HDAC5: variants seen among roughly 807,000 people sequenced by gnomAD.
The protein encoded by HDAC5 is antigen NY-CO-9.
In HDAC5, 25 loss-of-function variants were observed where a neutral mutation model predicts 133.3. The observed-to-expected ratio is 0.19, with a 90% CI of 0.14 to 0.26. The LOEUF (loss-of-function observed/expected upper bound fraction) is 0.26, where lower values mean the gene tolerates loss of function less well. Among genes scored for constraint, HDAC5 ranks in the 10% least tolerant of loss-of-function variants. The probability of loss-of-function intolerance (pLI) is 1.00; values close to 1 mark genes in which losing one functional copy is unlikely to be tolerated. For missense variants in HDAC5, 1,041 were observed against 1,460.5 expected (o/e 0.71, Z 4.68); for synonymous variants, 589 against 610.8 (o/e 0.96, Z 0.53).
intron 24 of HDAC5, 93 bp from the exon 25 acceptor site, chr17:44,078,972 C>T: frequency 6.6e-7 from 1 of 1,519,232 alleles, no homozygotes; most frequent in South Asian, 1.1e-5. Flanking sequence ...ATATCCCTCA[C>T]AACAGGGGCA....
intron 1 of HDAC5, among the ~76,000 whole-genome samples, chr17:44,121,051 C>T (rs536204482): frequency 5.5e-5 from 8 of 144,298 alleles, no homozygotes; most frequent in South Asian, 2.2e-4. Flanking sequence ...TCTGCTCAGA[C>T]GCAGCTCCAG....
chr17:44,094,936 C>T (rs900494558), intron 3 of HDAC5, among the ~76,000 whole-genome samples: 5 of 151,950 alleles, frequency 3.3e-5, no homozygotes, highest in African/African-American at 4.8e-5. Flanking sequence ...GCAGGGATTA[C>T]AGGAGCATGC....
Position 44,090,985 on chromosome 17 carries a change from G to A in HDAC5, c.1387+285C>T, listed in dbSNP as rs144714041. On this transcript the variant is annotated intron_variant, in intron 11 of 26. Transcript: ENST00000682912. ...ATTTCAGGCGTGATCCACCGCGCCC[G>A]GCCTTCTTTTTACATTTTTTAATGT... is the stretch of plus-strand genomic sequence containing the variant. Among the ~76,000 whole-genome samples, 227 of 152,304 alleles carry A rather than the reference G, an allele frequency of 1.5e-3. 2 individuals carry two copies. The highest frequency in any genetic ancestry group is 5.1e-3 in the African/African-American group (211 of 41,558).
intron 3 of HDAC5, among the ~76,000 whole-genome samples, chr17:44,103,777 C>T (rs1341054676): frequency 2.0e-5 from 3 of 151,240 alleles, no homozygotes; most frequent in South Asian, 2.1e-4. Context: ...GGCACGATCT[C>T]GGCTCACTGC....
chr17:44,092,702 C>A lies in HDAC5; in HGVS notation c.746G>T (p.Arg249Leu). 6.6e-7 allele frequency: 1 copy of A among 1,514,462 alleles called. No individual in the cohort carries two copies. The highest frequency in any genetic ancestry group is 8.8e-7 in the Non-Finnish European group (1 of 1,130,634). 93.8% of individuals were successfully genotyped at this position (1,514,462 alleles called of 1,614,324 possible). A position where few individuals can be genotyped will look rare whatever the true frequency, so the allele number is the denominator to read the frequency against. ...TGTTTTGCGGAGGGGGAAGTCGTCT[C>A]GACTGTCGTAGGGCCCAGGCAAAGG... Reference protein sequence around the residue: ...KLPLPGPYDSRDDFPLRKTAS... With the variant: ...KLPLPGPYDSLDDFPLRKTAS... The change falls in exon 7 of 27, where the codon CGA becomes CTA. Residue 249 changes from arginine to leucine, a missense_variant. Physicochemically the swap from Arg to Leu is moderately radical, Grantham distance 102. Around this residue, in one of 9 missense-constraint regions of HDAC5, gnomAD observed 56 missense variants for 41.3 expected, o/e 1.36. Transcript: ENST00000682912.
intron 3 of HDAC5, among the ~76,000 whole-genome samples, chr17:44,109,178 C>T (rs981584184): frequency 6.6e-6 from 1 of 152,210 alleles, no homozygotes; most frequent in African/African-American, 2.4e-5. Context: ...GATGGGTGGA[C>T]CTGATAAGCC....
chr17:44,119,158 A>G (rs1042249787), intron 1 of HDAC5, among the ~76,000 whole-genome samples: 1 of 152,228 alleles, frequency 6.6e-6, no homozygotes, highest in Non-Finnish European at 1.5e-5. Context: ...AAGGCTGCGC[A>G]GGCAGGGCTG....
Position 44,092,815 on chromosome 17 carries a change from G to C in HDAC5, c.642-9C>G, listed in dbSNP as rs753034921. ...AAGCATGGTGGGCTCCCCTGGGGTG[G>C]GGGGGGGGTGGGGATGGAAGCAGAT... On this transcript the variant is annotated splice_polypyrimidine_tract_variant and intron_variant, in intron 6 of 26. Transcript: ENST00000682912. 3.2e-5 allele frequency: 16 copies of C among 499,676 alleles called. No individual in the cohort carries two copies. The highest frequency in any genetic ancestry group is 2.8e-4 in the African/African-American group (4 of 14,148). The allele number at this position is 499,676 out of a possible 1,614,324, so 31.0% of individuals were successfully genotyped here.
chr17:44,118,175 T>C (rs1189202512), intron 1 of HDAC5, among the ~76,000 whole-genome samples: 1 of 152,242 alleles, frequency 6.6e-6, no homozygotes, highest in Non-Finnish European at 1.5e-5. Context: ...TTCTCCCGAC[T>C]TTCTGATCCT....
intron 6 of HDAC5, 22 bp from the exon 7 acceptor site, chr17:44,092,828 G>GGGGGGC: frequency 1.7e-6 from 1 of 596,636 alleles, no homozygotes; most frequent in Non-Finnish European, 2.9e-6. Context: ...GGGGGGTGGG[G>GGGGGGC]ATGGAAGCAG....
intron 3 of HDAC5, among the ~76,000 whole-genome samples, chr17:44,106,410 A>ACG (rs1309298075): frequency 6.6e-6 from 1 of 152,134 alleles, no homozygotes; most frequent in Non-Finnish European, 1.5e-5. Context: ...CAAACTGTGG[A>ACG]CGCGCACTGA....
intron 12 of HDAC5, 55 bp from the exon 13 acceptor site, chr17:44,087,751 C>T (rs2050740164): frequency 1.3e-6 from 2 of 1,512,874 alleles, no homozygotes; most frequent in Non-Finnish European, 1.8e-6. Flanking sequence ...AGCTGTGCAG[C>T]CTAAAACCCA....
chr17:44,110,786 G>C lies in HDAC5; in HGVS notation c.37C>G (p.Arg13Gly). ...SPNESDGMSG[R>G]EPSLEILPRT... ...GGCAGGATTTCCAAGGATGGTTCCCGACCTGACATCCCATCTGCTGAGAAA... is the reference window on the plus strand; with the variant it reads ...GGCAGGATTTCCAAGGATGGTTCCCCACCTGACATCCCATCTGCTGAGAAA... The change falls in exon 3 of 27, where the codon CGG becomes GGG. Residue 13 changes from arginine to glycine, a missense_variant. Transcript: ENST00000682912. 6.2e-7 allele frequency: 1 copy of C among 1,613,680 alleles called. No homozygotes were observed. Among genetic ancestry groups the C allele is most frequent in the East Asian group, 2.2e-5 (1 of 44,878 alleles).
chr17:44,087,604 C>A lies in HDAC5; in HGVS notation c.1692G>T (p.Leu564=), dbSNP rs765450492. ...GGGGCATGGTCAGGGCTCCCTCCCCCAGCAAGACCTCCTGCTGCTCCGTCA... is the reference window on the plus strand; with the variant it reads ...GGGGCATGGTCAGGGCTCCCTCCCCAAGCAAGACCTCCTGCTGCTCCGTCA... ...EELTEQQEVL[L]GEGALTMPRE... The change falls in exon 13 of 27, where the codon CTG becomes CTT. Residue 564 remains leucine, a synonymous_variant. Transcript: ENST00000682912. The A allele has an allele frequency of 1.2e-6, 2 of 1,614,064 alleles. No individual in the cohort carries two copies. The highest frequency in any genetic ancestry group is 1.7e-6 in the Non-Finnish European group (2 of 1,179,960).
chr17:44,117,400 C>T lies in HDAC5; in HGVS notation c.22+94G>A, dbSNP rs1254033350. On this transcript the variant is annotated intron_variant, in intron 2 of 26. Coordinates refer to ENST00000682912, the MANE Select transcript of HDAC5 (RefSeq NM_005474.5). The surrounding 1 kb of genome is among the most constrained non-coding windows in gnomAD (Gnocchi z 4.2). Reference sequence around the variant, plus strand: ...CCCCCTCATTCCCTTATAGCTCAGACAGTAAAGGTCAGCTGGCCTGGAAGG... The same window carrying T: ...CCCCCTCATTCCCTTATAGCTCAGATAGTAAAGGTCAGCTGGCCTGGAAGG... 2.2e-6 allele frequency: 3 copies of T among 1,335,774 alleles called. No homozygotes were observed. Among genetic ancestry groups the T allele is most frequent in the Middle Eastern group, 3.6e-4 (2 of 5,578 alleles). The allele number at this position is 1,335,774 out of a possible 1,614,324, so 82.7% of individuals were successfully genotyped here. A position where few individuals can be genotyped will look rare whatever the true frequency, so the allele number is the denominator to read the frequency against.
intron 3 of HDAC5, 133 bp from the exon 4 acceptor site, chr17:44,093,967 T>C: frequency 2.5e-6 from 3 of 1,177,044 alleles, no homozygotes; most frequent in Non-Finnish European, 3.4e-6. Flanking sequence ...GTCAAATCCC[T>C]CTGCTCCATG....
chr17:44,093,981 G>A, intron 3 of HDAC5, 147 bp from the exon 4 acceptor site: 2 of 1,071,400 alleles, frequency 1.9e-6, no homozygotes, highest in South Asian at 3.0e-5. Context: ...CTCCATGGAT[G>A]CAACATTTTA....
intron 1 of HDAC5, among the ~76,000 whole-genome samples, chr17:44,121,103 A>G (rs1422866049): frequency 4.2e-4 from 23 of 55,164 alleles, no homozygotes; most frequent in Non-Finnish European, 9.2e-4. Flanking sequence ...TATTTCTAGA[A>G]AAAAAAAAAA....
chr17:44,109,437 A>G (rs1451363806), intron 3 of HDAC5, among the ~76,000 whole-genome samples: 1 of 152,090 alleles, frequency 6.6e-6, no homozygotes, highest in African/African-American at 2.4e-5. Flanking sequence ...GCCGGTTCCC[A>G]AGGTTACACC....
Sources: allele counts gnomAD v4.1 joint callset (sites outside exome capture counted in the v4.1 genomes callset), GRCh38; gene constraint gnomAD v4.1.1; regional missense constraint gnomAD v4.1.1; non-coding constraint Gnocchi (gnomAD v3.1); transcripts MANE v1.5; gene names NCBI Gene and HGNC (gene_info 2026-07-23, HGNC 2026-07-21).